ANKRD30B: variants seen among roughly 807,000 people sequenced by gnomAD.
ANKRD30B encodes ankyrin repeat domain-containing protein 30B.
ANKRD30B carries 144 observed loss-of-function variants against 202.2 expected under a neutral mutation model. The observed-to-expected ratio is 0.71, with a 90% CI of 0.62 to 0.82. The LOEUF is 0.82. ANKRD30B is among the 40% of genes least tolerant of loss of function. ANKRD30B has a pLI of 0.00. For missense variants in ANKRD30B, 1,487 were observed against 1,669.1 expected (o/e 0.89, Z 1.90); for synonymous variants, 508 against 561.3 (o/e 0.91, Z 1.34).
the ANKRD30B span, among the ~76,000 whole-genome samples, chr18:14,895,315 T>G: frequency 6.6e-6 from 1 of 151,842 alleles, no homozygotes; most frequent in Admixed American, 6.6e-5. Context: ...GAATCGCAAA[T>G]TAAAACAACA....
the ANKRD30B span, among the ~76,000 whole-genome samples, chr18:14,910,287 A>G: frequency 6.6e-6 from 1 of 151,886 alleles, no homozygotes; most frequent in Non-Finnish European, 1.5e-5. Flanking sequence ...CTGTATGTCT[A>G]TGTGTACTCA....
At chr18:14,795,564 C>G (rs1375893492) in intron 16 of ANKRD30B, among the ~76,000 whole-genome samples, 1 of 152,076 alleles carries the variant, frequency 6.6e-6, no homozygotes, top group Non-Finnish European at 1.5e-5. Flanking sequence ...TTTGAGAGGA[C>G]TAAACCAGAG....
chr18:14,883,389 CTCTCTCTCTCTA>C, the ANKRD30B span: 1 of 96,398 alleles, frequency 1.0e-5, no homozygotes, highest in African/African-American at 5.3e-5. Flanking sequence ...CTCTCTCTCT[CTCTCTCTCTCTA>C]TATATATATA....
rs767375016 is a variant in ANKRD30B at position 14,757,823 on chromosome 18, T to C, written c.626T>C (p.Leu209Pro). The C allele has an allele frequency of 6.2e-7, 1 of 1,613,344 alleles. No individual in the cohort carries two copies. Among genetic ancestry groups the C allele is most frequent in the Non-Finnish European group, 8.5e-7 (1 of 1,179,746 alleles). ...NAFNESKCTA[L>P]MLAICEGSSE... is the part of the protein sequence containing the mutation. Reference sequence around the variant, plus strand: ...TCTCTTTGTTATTTTAGCACAGCCCTCATGCTTGCCATATGTGAAGGCTCA... The same window carrying C: ...TCTCTTTGTTATTTTAGCACAGCCCCCATGCTTGCCATATGTGAAGGCTCA... Residue 209 changes from leucine (L) to proline (P), a missense_variant, in exon 5 of 44, where the codon CTC (leucine) becomes CCC (proline). By Grantham distance (98) the Leu-to-Pro change is moderately conservative. Transcript: ENST00000690538.
chr18:14,865,859 G>A, the ANKRD30B span, among the ~76,000 whole-genome samples: 1 of 152,220 alleles, frequency 6.6e-6, no homozygotes, highest in Non-Finnish European at 1.5e-5. Flanking sequence ...CGGGCTCAGA[G>A]CAGCTCGGTG....
chr18:14,749,065 C>A (rs987165414), intron 1 of ANKRD30B, among the ~76,000 whole-genome samples: 1 of 152,120 alleles, frequency 6.6e-6, no homozygotes. Context: ...AATATATGAC[C>A]TTCTTGGCTA....
chr18:14,750,058 TAAG>T (rs1036089168), intron 1 of ANKRD30B, among the ~76,000 whole-genome samples: 6 of 152,032 alleles, frequency 3.9e-5, no homozygotes, highest in Non-Finnish European at 8.8e-5. Context: ...AAAACCTTTC[TAAG>T]AAGCTCAGAA....
At chr18:14,862,363 A>G in the ANKRD30B span, among the ~76,000 whole-genome samples, 2 of 152,046 alleles carry the variant, frequency 1.3e-5, no homozygotes, top group African/African-American at 2.4e-5. Flanking sequence ...ACACATAAAA[A>G]TGATAGATTG....
chr18:14,772,713 T>G (rs891344367), intron 9 of ANKRD30B, among the ~76,000 whole-genome samples: 1 of 150,496 alleles, frequency 6.6e-6, no homozygotes, highest in African/African-American at 2.4e-5. Flanking sequence ...TATAGGGTTT[T>G]TTTTTTTTTT....
the ANKRD30B span, among the ~76,000 whole-genome samples, chr18:14,926,104 C>CA: frequency 2.4e-4 from 37 of 152,294 alleles, no homozygotes; most frequent in African/African-American, 7.9e-4. Context: ...GTTAGCCCAA[C>CA]ACGGCAGCGA....
At position 14,810,632 on chromosome 18, in the gene ANKRD30B, G is replaced by A. The variant is rs1408254167; in HGVS notation, c.2488+452G>A. ...TGTTTTTCTGATTAGGTGACTGAGT[G>A]TGTGTGTGTGTGTGACATATAATTT... On this transcript the variant is annotated intron_variant, in intron 28 of 43. Transcript: ENST00000690538. 1.3e-4 allele frequency among the ~76,000 whole-genome samples: 19 copies of A among 149,848 alleles called. 1 individual carries two copies. The highest frequency in any genetic ancestry group is 1.2e-3 in the Admixed American group (18 of 15,100).
chr18:14,940,573 C>T, the ANKRD30B span, among the ~76,000 whole-genome samples: 1 of 152,122 alleles, frequency 6.6e-6, no homozygotes, highest in Non-Finnish European at 1.5e-5. Context: ...TTCAGAACAG[C>T]CTTGGGTTGA....
chr18:14,765,837 A>T (rs1916041932), intron 7 of ANKRD30B, among the ~76,000 whole-genome samples: 1 of 152,176 alleles, frequency 6.6e-6, no homozygotes, highest in African/African-American at 2.4e-5. Flanking sequence ...TCAGAAGCTC[A>T]ATTTACAGAT....
At chr18:14,890,318 G>A in the ANKRD30B span, among the ~76,000 whole-genome samples, 1 of 151,858 alleles carries the variant, frequency 6.6e-6, no homozygotes, top group South Asian at 2.1e-4. Context: ...TAGAAAATAT[G>A]TCTGTATCAA....
At chr18:14,871,804 C>G in the ANKRD30B span, among the ~76,000 whole-genome samples, 3 of 152,006 alleles carry the variant, frequency 2.0e-5, no homozygotes, top group East Asian at 5.8e-4. Context: ...GTGGGAGGAA[C>G]AGTGGAGCCT....
rs192592252 is a variant in ANKRD30B, at chr18:14,842,737, G to T, written c.3080-160G>T. On this transcript the variant is annotated intron_variant, in intron 37 of 43. Transcript: ENST00000690538. Reference sequence around the variant, plus strand: ...AGTTTCTTCAGTGTATTTCTGTCATGTGATTGTCCTAAAGAAACATACCGA... The same window carrying T: ...AGTTTCTTCAGTGTATTTCTGTCATTTGATTGTCCTAAAGAAACATACCGA... Among the ~76,000 whole-genome samples the T allele has an allele frequency of 3.9e-5, 6 of 152,250 alleles. No homozygotes were observed. In the East Asian group the frequency reaches 1.2e-3, roughly 29 times the overall value.
the ANKRD30B span, among the ~76,000 whole-genome samples, chr18:14,870,615 C>G: frequency 6.6e-6 from 1 of 152,116 alleles, no homozygotes; most frequent in East Asian, 1.9e-4. Flanking sequence ...CCATTCCTTC[C>G]TCACTTAGGC....
chr18:14,790,480 G>C (rs1182972245), intron 15 of ANKRD30B, among the ~76,000 whole-genome samples: 2 of 152,176 alleles, frequency 1.3e-5, no homozygotes, highest in East Asian at 1.9e-4. Flanking sequence ...TTTTCAAAGG[G>C]AATGCTTCCA....
At chr18:14,749,463 G>C (rs1453325411) in intron 1 of ANKRD30B, among the ~76,000 whole-genome samples, 1 of 152,018 alleles carries the variant, frequency 6.6e-6, no homozygotes, top group East Asian at 1.9e-4. Flanking sequence ...TCTGAGGTCA[G>C]GAGTTCAAGA....
Sources: gnomAD v4.1 joint callset for allele counts (sites outside exome capture counted in the v4.1 genomes callset) on GRCh38, gnomAD v4.1.1 for gene constraint, MANE v1.5 for transcripts, NCBI Gene and HGNC (gene_info 2026-07-23, HGNC 2026-07-21) for gene names.